RRN3: variants seen among roughly 807,000 people sequenced by gnomAD.
RRN3 encodes the protein RNA polymerase I transcription factor RRN3, also known as RNA polymerase I-specific transcription initiation factor RRN3.
RRN3 carries 38 observed loss-of-function variants against 82.3 expected under a neutral mutation model. That is an observed-to-expected ratio of 0.46 (90% CI 0.36 to 0.61). The LOEUF (loss-of-function observed/expected upper bound fraction) is 0.61, where lower values mean the gene tolerates loss of function less well. Among genes scored for constraint, RRN3 ranks in the 20% least tolerant of loss-of-function variants. The pLI, the probability that RRN3 is intolerant of heterozygous loss-of-function variation, is 0.00. For synonymous variants in RRN3, 284 were observed against 284.3 expected, an observed-to-expected ratio of 1.00 and a Z score of 0.01; for missense variants, 726 against 793.1, an observed-to-expected ratio of 0.92 and a Z score of 1.02.
intron 1 of RRN3, among the ~76,000 whole-genome samples, chr16:15,093,773 TTG>T: frequency 6.6e-6 from 1 of 152,146 alleles, no homozygotes; most frequent in Non-Finnish European, 1.5e-5. Context: ...AATATTCAAT[TTG>T]CCATGAGTGA....
At chr16:15,083,396 C>G in intron 8 of RRN3, 117 bp downstream of exon 8, 1 of 1,480,132 alleles carries the variant, frequency 6.8e-7, no homozygotes, top group Non-Finnish European at 9.1e-7. Context: ...GAGACTCGGT[C>G]TCAAAAAAGA....
At chr16:15,084,729 AT>A (rs1402638938) in intron 6 of RRN3, 24 bp from the exon 7 acceptor site, 1 of 1,587,038 alleles carries the variant, frequency 6.3e-7, no homozygotes, top group Non-Finnish European at 8.7e-7. Context: ...AGTTCAGAGT[AT>A]GAGCATCAAA....
rs1411353469 is a variant in RRN3 at position 15,091,232 on chromosome 16, G to A, written c.252+83C>T. The A allele has an allele frequency of 1.7e-5, 27 of 1,549,420 alleles. No individual in the cohort carries two copies. In the East Asian group the frequency reaches 5.3e-4, roughly 30 times the overall value. On this transcript the variant is annotated intron_variant, in intron 3 of 17. Transcript: ENST00000198767. ...GACCATGGAGAGAGCAAGTTCTGGA[G>A]GACAGAATGGGACCCAAAGAGCAAA... is the stretch of plus-strand genomic sequence containing the variant.
At chr16:15,063,516 G>A (rs924261395) in intron 16 of RRN3, among the ~76,000 whole-genome samples, 2 of 151,880 alleles carry the variant, frequency 1.3e-5, no homozygotes, top group African/African-American at 4.8e-5. Flanking sequence ...AGACCATCCT[G>A]GCTAACACGG....
chr16:15,086,956 T>C (rs755800613), intron 3 of RRN3, among the ~76,000 whole-genome samples: 8 of 152,188 alleles, frequency 5.3e-5, no homozygotes, highest in African/African-American at 1.4e-4. Flanking sequence ...TATGATGTGA[T>C]TGTTCTGTAT....
At chr16:15,087,209 G>A (rs571109471) in intron 3 of RRN3, among the ~76,000 whole-genome samples, 2 of 152,254 alleles carry the variant, frequency 1.3e-5, no homozygotes, top group South Asian at 4.2e-4. Context: ...AGCAACACAA[G>A]GTCATACCTA....
In RRN3 at chr16:15,071,216, T is replaced by A; in HGVS notation, c.1164A>T (p.Lys388Asn). 3 of 1,610,932 alleles carry A rather than the reference T, an allele frequency of 1.9e-6. No individual in the cohort carries two copies. The highest frequency in any genetic ancestry group is 2.5e-6 in the Non-Finnish European group (3 of 1,179,526). Residue 388 changes from lysine to asparagine, a missense_variant, in exon 13 of 18, where the codon AAA (lysine) becomes AAT (asparagine). Physicochemically the swap from Lys to Asn is moderately conservative, Grantham distance 94. Transcript: ENST00000198767. ...FAEAFLEHLW[K>N]KLQDPSNPAI... ...CAGGATTACTTGGGTCCTGCAATTT[T>A]TTCCAGAGATGTTCCAAAAATGCCT...
At position 15,061,820 on chromosome 16, in the gene RRN3, A is replaced by G; in HGVS notation, c.1880T>C (p.Phe627Ser). 1 of 1,614,202 alleles carries G rather than the reference A, an allele frequency of 6.2e-7. No homozygotes were observed. The highest frequency in any genetic ancestry group is 1.1e-5 in the South Asian group (1 of 91,084). Residue 627 changes from phenylalanine (F) to serine (S), a missense_variant, in exon 18 of 18, where the codon TTT becomes TCT. Phe to Ser is a radical substitution (Grantham distance 155, BLOSUM62 -2). Transcript: ENST00000198767. ...DTVIGITPSSFDTHFRSPSSS... is the reference protein window; with the variant it reads ...DTVIGITPSSSDTHFRSPSSS... Reference sequence around the variant, plus strand: ...TGAAGGACTTCGGAAATGCGTGTCAAAGGAGCTTGGTGTGATCCCAATCAC... The same window carrying G: ...TGAAGGACTTCGGAAATGCGTGTCAGAGGAGCTTGGTGTGATCCCAATCAC...
chr16:15,075,917 G>A (rs1225622197), intron 10 of RRN3, among the ~76,000 whole-genome samples: 1 of 152,010 alleles, frequency 6.6e-6, no homozygotes, highest in African/African-American at 2.4e-5. Flanking sequence ...AAGGAGCCAG[G>A]ACCACCCTTG....
intron 10 of RRN3, 56 bp downstream of exon 10, chr16:15,076,502 C>A: frequency 8.7e-7 from 1 of 1,146,424 alleles, no homozygotes; most frequent in East Asian, 2.3e-5. Context: ...GCAGCACTAG[C>A]TGTTTCCACC....
In RRN3 at chr16:15,073,025, A is replaced by G. The variant is rs371114304; in HGVS notation, c.1053T>C (p.Phe351=). Reference sequence around the variant, plus strand: ...CATGGGTGGGCAACAGGAGTTTGTCAAAGATGTTTATCAGGTCGCGATATA... The same window carrying G: ...CATGGGTGGGCAACAGGAGTTTGTCGAAGATGTTTATCAGGTCGCGATATA... ...KDLYRDLINI[F]DKLLLPTHAS... Residue 351 remains phenylalanine, a synonymous_variant, in exon 12 of 18, where the codon TTT becomes TTC. Coordinates refer to ENST00000198767, the MANE Select transcript of RRN3 (RefSeq NM_018427.5). The G allele has an allele frequency of 3.3e-5, 54 of 1,613,250 alleles. No homozygotes were observed. Among genetic ancestry groups the G allele is most frequent in the Non-Finnish European group, 4.1e-5 (48 of 1,179,826 alleles).
intron 3 of RRN3, among the ~76,000 whole-genome samples, chr16:15,087,656 A>G (rs2045960769): frequency 6.6e-6 from 1 of 152,210 alleles, no homozygotes; most frequent in African/African-American, 2.4e-5. Flanking sequence ...GTAATTTCAT[A>G]TGTCCACAAC....
rs766553565 is a variant in RRN3 at position 15,086,266 on chromosome 16, G to T, written c.343-8C>A. ...ATTCAACCAAGGCAATCTCTAGAGT[G>T]GGGGAAGAAAGATAAAAGCAGCATG... On this transcript the variant is annotated splice_polypyrimidine_tract_variant and splice_region_variant and intron_variant, in intron 4 of 17. Transcript: ENST00000198767. 8.9e-5 allele frequency: 138 copies of T among 1,555,648 alleles called. No homozygotes were observed. Among genetic ancestry groups the T allele is most frequent in the Non-Finnish European group, 1.2e-4 (135 of 1,143,932 alleles).
At chr16:15,084,496 A>T in intron 7 of RRN3, 146 bp downstream of exon 7, 3 of 582,328 alleles carry the variant, frequency 5.2e-6, no homozygotes. Flanking sequence ...CACTTTTTGT[A>T]GAATGTAATG....
intron 8 of RRN3, among the ~76,000 whole-genome samples, chr16:15,081,460 T>C (rs1177025066): frequency 2.0e-5 from 3 of 152,226 alleles, no homozygotes; most frequent in Non-Finnish European, 4.4e-5. Context: ...GCTAATGATG[T>C]TGAGCTTCTT....
intron 15 of RRN3, among the ~76,000 whole-genome samples, chr16:15,067,518 A>G (rs2151766635): frequency 7.2e-6 from 1 of 138,596 alleles, no homozygotes; most frequent in African/African-American, 2.6e-5. Context: ...ACCAGACCTG[A>G]GAGAACAGAA....
Position 15,086,241 on chromosome 16 carries a change from A to G in RRN3, c.360T>C (p.Asn120=), listed in dbSNP as rs762262305. ...ACTCTTCCACTACTGTTTGACTTCT[A>G]TTCAACCAAGGCAATCTCTAGAGTG... The part of the protein sequence containing the change: ...ISIILRLPWL[N]RSQTVVEEYL... Residue 120 remains asparagine (N), a synonymous_variant, in exon 5 of 18, where the codon AAT becomes AAC. Coordinates refer to ENST00000198767, the MANE Select transcript of RRN3 (RefSeq NM_018427.5). 4 of 1,585,332 alleles carry G rather than the reference A, an allele frequency of 2.5e-6. No individual in the cohort carries two copies. The highest frequency in any genetic ancestry group is 1.1e-5 in the South Asian group (1 of 89,084).
chr16:15,085,627 T>C lies in RRN3; in HGVS notation c.532+12A>G, dbSNP rs768693885. ...GCTACTGTGCCCAGGCTTTAAACCT[T>C]TTTATACTTACTATCATCTTCATCA... is the stretch of plus-strand genomic sequence containing the variant. On this transcript the variant is annotated intron_variant, in intron 6 of 17. Transcript: ENST00000198767. 19 of 1,611,682 alleles carry C rather than the reference T, an allele frequency of 1.2e-5. No homozygotes were observed. Among genetic ancestry groups the C allele is most frequent in the East Asian group, 2.2e-5 (1 of 44,878 alleles).
At chr16:15,094,102 G>T in intron 1 of RRN3, 43 bp downstream of exon 1, 2 of 1,529,266 alleles carry the variant, frequency 1.3e-6, no homozygotes, top group Non-Finnish European at 1.8e-6. Context: ...GCCGTCCTGA[G>T]CTTTCGTCCC....
Sources: allele counts gnomAD v4.1 joint callset (sites outside exome capture counted in the v4.1 genomes callset), GRCh38; gene constraint gnomAD v4.1.1; transcripts MANE v1.5; gene names NCBI Gene and HGNC (gene_info 2026-07-23, HGNC 2026-07-21).